The following COLEC10 variants were observed in gnomAD, a reference collection of about 807,000 sequenced individuals.
COLEC10 encodes collectin subfamily member 10.
In COLEC10, 22 loss-of-function variants were observed where a neutral mutation model predicts 28.4. The ratio of observed to expected loss-of-function variants is 0.78; its 90% CI spans 0.55 to 1.11. The LOEUF (loss-of-function observed/expected upper bound fraction) is 1.11, where lower values mean the gene tolerates loss of function less well. COLEC10 is among the 50% of genes least tolerant of loss of function. The pLI is 0.00. For missense variants in COLEC10, 361 were observed against 344.1 expected (o/e 1.05, Z -0.39); for synonymous variants, 125 against 116.1 (o/e 1.08, Z -0.49).
the COLEC10 span, among the ~76,000 whole-genome samples, chr8:118,989,829 GA>G: frequency 6.6e-6 from 1 of 151,958 alleles, no homozygotes; most frequent in Non-Finnish European, 1.5e-5. Context: ...CTTGAGACCA[GA>G]AATCTTTTAG....
At chr8:119,076,632 C>T (rs1815243368) in intron 1 of COLEC10, among the ~76,000 whole-genome samples, 1 of 152,172 alleles carries the variant, frequency 6.6e-6, no homozygotes, top group South Asian at 2.1e-4. Context: ...TTTTGAAGGT[C>T]ATTTATTTGA....
intron 2 of COLEC10, among the ~76,000 whole-genome samples, chr8:119,053,963 T>C (rs1814722431): frequency 6.6e-6 from 1 of 152,044 alleles, no homozygotes. Context: ...TAACAGCAAC[T>C]AATAATAAAA....
chr8:119,075,963 C>T (rs1247938494), intron 1 of COLEC10, among the ~76,000 whole-genome samples: 3 of 136,890 alleles, frequency 2.2e-5, no homozygotes, highest in East Asian at 2.1e-4. Flanking sequence ...TGCAGTGGTG[C>T]GATCTCGGCT....
chr8:119,092,666 G>A (rs1169249240), intron 3 of COLEC10, among the ~76,000 whole-genome samples: 1 of 152,118 alleles, frequency 6.6e-6, no homozygotes, highest in Non-Finnish European at 1.5e-5. Flanking sequence ...AACACTTTAG[G>A]GGGCTGAGAT....
Position 119,091,601 on chromosome 8 carries a change from GAA to G in COLEC10, c.292+383_292+384del, listed in dbSNP as rs1563741310. Among the ~76,000 whole-genome samples the G allele has an allele frequency of 4.3e-3, 524 of 121,168 alleles. 2 individuals carry two copies. The highest frequency in any genetic ancestry group is 0.021 in the African/African-American group (482 of 23,510). 79.5% of individuals were successfully genotyped at this position (121,168 alleles called of 152,430 possible). Reference sequence around the variant, plus strand: ...AGAGAGAGAGAGAGAGAGAGAGAAAGAAAGAAAGAAAGAAAGAAAGAAAGAAA... The same window carrying G: ...AGAGAGAGAGAGAGAGAGAGAGAAAGAGAAAGAAAGAAAGAAAGAAAGAAA... On this transcript the variant is annotated intron_variant, in intron 3 of 5. Coordinates refer to ENST00000332843, the MANE Select transcript of COLEC10 (RefSeq NM_006438.5).
the COLEC10 span, among the ~76,000 whole-genome samples, chr8:118,972,732 C>T: frequency 6.6e-6 from 1 of 151,874 alleles, no homozygotes; most frequent in African/African-American, 2.4e-5. Flanking sequence ...CATCTACCTT[C>T]TAGCATAATC....
upstream of COLEC10, among the ~76,000 whole-genome samples, chr8:119,065,061 T>C (rs1301848272): frequency 6.6e-6 from 1 of 152,176 alleles, no homozygotes; most frequent in African/African-American, 2.4e-5. Context: ...ATGTATTCAA[T>C]TGTGTTCCTC....
chr8:118,991,891 A>T (rs1813511414), upstream of COLEC10, among the ~76,000 whole-genome samples: 2 of 152,260 alleles, frequency 1.3e-5, no homozygotes, highest in East Asian at 1.9e-4. Context: ...AGAGACAGGT[A>T]TTATTATTCT....
At chr8:119,091,611 A>G (rs201978307) in intron 3 of COLEC10, among the ~76,000 whole-genome samples, 3,697 of 120,282 alleles carry the variant, frequency 0.031, 65 homozygotes, top group East Asian at 0.056. Flanking sequence ...GAAAGAAAGA[A>G]AGAAAGAAAG....
At chr8:118,956,218 C>T in the COLEC10 span, among the ~76,000 whole-genome samples, 1 of 152,128 alleles carries the variant, frequency 6.6e-6, no homozygotes, top group African/African-American at 2.4e-5. Context: ...CATCCAAAGG[C>T]CCCCTTTCCT....
chr8:119,067,149 TC>T, upstream of COLEC10: 1 of 837,980 alleles, frequency 1.2e-6, no homozygotes, highest in Non-Finnish European at 1.9e-6. Context: ...TATGCTTCCT[TC>T]CTGTCTCTGT....
the COLEC10 span, among the ~76,000 whole-genome samples, chr8:118,963,660 C>T: frequency 6.6e-5 from 10 of 152,166 alleles, no homozygotes; most frequent in Non-Finnish European, 1.2e-4. Context: ...CACATAAAAA[C>T]AACAGAGCAT....
intron 5 of COLEC10, among the ~76,000 whole-genome samples, chr8:119,104,327 T>C (rs1192204275): frequency 6.6e-6 from 1 of 152,202 alleles, no homozygotes; most frequent in Non-Finnish European, 1.5e-5. Flanking sequence ...TTATGTAGTA[T>C]GTAGTTACTA....
At chr8:119,041,956 G>A (rs1308558151) in intron 2 of COLEC10, among the ~76,000 whole-genome samples, 1 of 152,030 alleles carries the variant, frequency 6.6e-6, no homozygotes, top group Non-Finnish European at 1.5e-5. Flanking sequence ...TATAGATTGG[G>A]ATATGAAATA....
chr8:119,089,532 T>C (rs1286953178), intron 1 of COLEC10, 148 bp from the exon 2 acceptor site: 8 of 579,660 alleles, frequency 1.4e-5, no homozygotes, highest in Admixed American at 9.3e-5. Context: ...GTCAAGTGCA[T>C]GTGAACATAC....
the COLEC10 span, among the ~76,000 whole-genome samples, chr8:118,980,133 G>A: frequency 6.6e-6 from 1 of 151,954 alleles, no homozygotes; most frequent in South Asian, 2.1e-4. Flanking sequence ...AACCATTAAG[G>A]ATTACTCAAA....
At position 119,103,873 on chromosome 8, in the gene COLEC10, A is replaced by T. The variant is rs199524307; in HGVS notation, c.420A>T (p.Thr140=). 2.2e-4 allele frequency: 347 copies of T among 1,611,694 alleles called. 4 individuals are homozygous for T. Among genetic ancestry groups the T allele is most frequent in the Non-Finnish European group, 3.9e-5 (46 of 1,178,072 alleles). The part of the protein sequence containing the change: ...QLDISIARLK[T]SMKFVKNVIA... ...ATATTAGTATTGCTCGGCTCAAGAC[A>T]TCTATGAAGTTTGTCAAGAATGGTG... is the stretch of plus-strand genomic sequence containing the variant. Residue 140 remains threonine, a synonymous_variant, in exon 5 of 6, where the codon ACA becomes ACT. Coordinates refer to ENST00000332843, the MANE Select transcript of COLEC10 (RefSeq NM_006438.5).
At chr8:119,018,354 T>C (rs924250243) in intron 2 of COLEC10, among the ~76,000 whole-genome samples, 34 of 152,342 alleles carry the variant, frequency 2.2e-4, no homozygotes, top group African/African-American at 7.7e-4. Flanking sequence ...TCTCAACTAA[T>C]TGAATACAGC....
intron 1 of COLEC10, among the ~76,000 whole-genome samples, chr8:119,086,533 G>C (rs879684339): frequency 1.2e-4 from 18 of 152,020 alleles, no homozygotes; most frequent in Non-Finnish European, 2.2e-4. Context: ...AGCCTGCTTG[G>C]CCACCAGGCT....
Sources: gnomAD v4.1 joint callset for allele counts (sites outside exome capture counted in the v4.1 genomes callset) on GRCh38, gnomAD v4.1.1 for gene constraint, MANE v1.5 for transcripts, NCBI Gene and HGNC (gene_info 2026-07-23, HGNC 2026-07-21) for gene names.